The following DMGDH variants were observed in gnomAD, a reference collection of about 807,000 sequenced individuals.
DMGDH encodes dimethylglycine dehydrogenase.
A neutral mutation model predicts 95.2 loss-of-function variants in DMGDH; 76 were observed. The observed-to-expected ratio is 0.80, with a 90% CI of 0.66 to 0.97. The LOEUF (loss-of-function observed/expected upper bound fraction) is 0.97. Ranked by LOEUF, DMGDH falls within the 50% of genes least tolerant of loss-of-function variation. The pLI is 0.00. For synonymous variants in DMGDH, 345 were observed against 377.6 expected, an observed-to-expected ratio of 0.91 and a Z score of 1.00; for missense variants, 987 against 1,055.0, an observed-to-expected ratio of 0.94 and a Z score of 0.89.
chr5:79,033,508 G>A, intron 7 of DMGDH, 100 bp from the exon 8 acceptor site: 8 of 1,383,812 alleles, frequency 5.8e-6, no homozygotes, highest in Non-Finnish European at 7.1e-6. Flanking sequence ...GGACTGTTCT[G>A]TGCTAATCAG....
chr5:79,033,353 G>C lies in DMGDH; in HGVS notation c.1249C>G (p.His417Asp). 11 of 1,614,184 alleles carry C rather than the reference G, an allele frequency of 6.8e-6. No homozygotes were observed. Among genetic ancestry groups the C allele is most frequent in the Non-Finnish European group, 9.3e-6 (11 of 1,180,030 alleles). The change falls in exon 8 of 16, where the codon CAT becomes GAT. Residue 417 changes from histidine (H) to aspartate (D), a missense_variant. Transcript: ENST00000255189. ...VGKYLSDWILHGEPPFDLIEL... is the reference protein window; with the variant it reads ...VGKYLSDWILDGEPPFDLIEL... ...ATCAGATCAAAAGGAGGTTCTCCAT[G>C]CAGGATCCAGTCACTGAGATATTTC...
rs112515671 is a variant in DMGDH, at chr5:79,064,358, GA to G, written c.102-572del. On this transcript the variant is annotated intron_variant, in intron 1 of 15. Coordinates refer to ENST00000255189, the MANE Select transcript of DMGDH (RefSeq NM_013391.3). ...ACAGAGTGAGGCCCTGTCTCAAAAG[GA>G]AAAAAAAAAAAAGATTTAAAATTGT... Among the ~76,000 whole-genome samples the G allele has an allele frequency of 1.7e-3, 235 of 139,600 alleles. 1 individual carries two copies. The highest frequency in any genetic ancestry group is 1.6e-3 in the Non-Finnish European group (104 of 64,036). The allele number at this position is 139,600 out of a possible 152,430, so 91.6% of individuals were successfully genotyped here.
chr5:79,005,926 C>G lies in DMGDH; in HGVS notation c.2251-519G>C, dbSNP rs544744018. On this transcript the variant is annotated intron_variant, in intron 14 of 15. Coordinates refer to ENST00000255189, the MANE Select transcript of DMGDH (RefSeq NM_013391.3). ...ATTGGATTGCATTCATTAGTTCATT[C>G]TGAAACCATTTATTGAGCCCCTACT... Among the ~76,000 whole-genome samples, 6 of 152,178 alleles carry G rather than the reference C, an allele frequency of 3.9e-5. No individual in the cohort carries two copies. The East Asian group carries it at 7.7e-4, about 20-fold the overall frequency.
chr5:79,033,465 C>T (rs982860512), intron 7 of DMGDH, 57 bp from the exon 8 acceptor site: 5 of 1,590,930 alleles, frequency 3.1e-6, no homozygotes, highest in Non-Finnish European at 3.4e-6. Flanking sequence ...TCAAATGAAA[C>T]ATAATCAAAC....
intron 4 of DMGDH, among the ~76,000 whole-genome samples, chr5:79,052,939 G>C (rs1215289323): frequency 6.6e-6 from 1 of 152,146 alleles, no homozygotes; most frequent in Non-Finnish European, 1.5e-5. Context: ...GTGGTCACCA[G>C]CAGGGAAATA....
Position 79,044,383 on chromosome 5 carries a change from A to C in DMGDH, c.915T>G (p.Asp305Glu). The C allele has an allele frequency of 6.2e-7, 1 of 1,614,172 alleles. No homozygotes were observed. The highest frequency in any genetic ancestry group is 1.3e-5 in the African/African-American group (1 of 75,040). Residue 305 changes from aspartate (D) to glutamate (E), a missense_variant, in exon 6 of 16, where the codon GAT becomes GAG. Transcript: ENST00000255189. The part of the protein sequence containing the change: ...EGSYYLRQER[D>E]GLLFGPYESQ... ...TTTCATATGGACCAAACAAAAGCCC[A>C]TCCCTTTCCTGTCGGAGATAATATG... is the stretch of plus-strand genomic sequence containing the variant.
At chr5:79,007,318 A>G (rs575250429) in intron 14 of DMGDH, among the ~76,000 whole-genome samples, 1 of 152,272 alleles carries the variant, frequency 6.6e-6, no homozygotes, top group African/African-American at 2.4e-5. Flanking sequence ...CAAATAGAAA[A>G]TACAGTATTC....
intron 14 of DMGDH, chr5:79,021,302 T>C: frequency 9.2e-7 from 1 of 1,083,578 alleles, no homozygotes; most frequent in African/African-American, 1.6e-5. Flanking sequence ...TGAAATATTA[T>C]TTGTTTCCAG....
At chr5:78,998,425 G>A in intron 15 of DMGDH, 128 bp from the exon 16 acceptor site, 1 of 833,438 alleles carries the variant, frequency 1.2e-6, no homozygotes, top group Non-Finnish European at 2.0e-6. Context: ...GCTGTCTGGG[G>A]GGACAACGCC....
intron 2 of DMGDH, among the ~76,000 whole-genome samples, chr5:79,057,113 T>G (rs1046947347): frequency 2.0e-5 from 3 of 152,226 alleles, no homozygotes; most frequent in Admixed American, 2.0e-4. Context: ...ACCTGTTTGA[T>G]GAGCACATAG....
At chr5:79,047,841 G>A (rs1022821064) in intron 5 of DMGDH, among the ~76,000 whole-genome samples, 13 of 152,184 alleles carry the variant, frequency 8.5e-5, no homozygotes, top group Non-Finnish European at 5.9e-5. Flanking sequence ...ACCTGGAGTA[G>A]TTATTTAAAA....
chr5:79,046,807 A>G (rs182061765), intron 5 of DMGDH, among the ~76,000 whole-genome samples: 1 of 152,338 alleles, frequency 6.6e-6, no homozygotes, highest in East Asian at 1.9e-4. Context: ...ACAAAAATCA[A>G]AATTTTTAGC....
intron 14 of DMGDH, among the ~76,000 whole-genome samples, chr5:79,006,746 C>T (rs1226532045): frequency 3.3e-5 from 5 of 152,062 alleles, no homozygotes; most frequent in Non-Finnish European, 5.9e-5. Context: ...AGGACTTACA[C>T]AGTTCTTTCT....
chr5:79,030,793 G>A, intron 10 of DMGDH, 40 bp downstream of exon 10: 2 of 1,607,798 alleles, frequency 1.2e-6, no homozygotes, highest in Non-Finnish European at 8.5e-7. Flanking sequence ...AATTAAATAG[G>A]TCAGAATCCT....
At chr5:79,027,847 T>TTC (rs1561214306) in intron 12 of DMGDH, among the ~76,000 whole-genome samples, 3 of 151,522 alleles carry the variant, frequency 2.0e-5, no homozygotes, top group Non-Finnish European at 4.4e-5. Flanking sequence ...TTTCTTTTTT[T>TTC]TTTTTTTTTT....
Position 79,051,392 on chromosome 5 carries a change from T to C in DMGDH, c.640A>G (p.Lys214Glu). ...AGAGAAGTTACTGGTGCAGGATATT[T>C]TAAAAGGGCACCACATTTCCTAGCC... ...AGARKCGALL[K>E]YPAPVTSLKA... The change falls in exon 5 of 16, where the codon AAA becomes GAA. Residue 214 changes from lysine to glutamate, a missense_variant. Transcript: ENST00000255189. 6.2e-7 allele frequency: 1 copy of C among 1,614,156 alleles called. No homozygotes were observed. Among genetic ancestry groups the C allele is most frequent in the Non-Finnish European group, 8.5e-7 (1 of 1,180,014 alleles).
In DMGDH at chr5:79,001,224, G is replaced by A. The variant is rs546655937; in HGVS notation, c.2386-2927C>T. 27 of 332,386 alleles carry A rather than the reference G, an allele frequency of 8.1e-5. No individual in the cohort carries two copies. The South Asian group carries it at 1.5e-3, about 19-fold the overall frequency. The allele number at this position is 332,386 out of a possible 1,614,324, so 20.6% of individuals were successfully genotyped here. A position where few individuals can be genotyped will look rare whatever the true frequency, so the allele number is the denominator to read the frequency against. On this transcript the variant is annotated intron_variant, in intron 15 of 15. Transcript: ENST00000255189. ...GTTGCCCCAGCTGGAGTGCAGAGGCGCAATCTTGGCTCTCTGCAACATCTG... is the reference window on the plus strand; with the variant it reads ...GTTGCCCCAGCTGGAGTGCAGAGGCACAATCTTGGCTCTCTGCAACATCTG...
In DMGDH at chr5:79,055,877, A is replaced by T. The variant is rs1385169324; in HGVS notation, c.308T>A (p.Ile103Lys). ...ATCATAATGTATTTTCTTCAAGTTT[A>T]TTCCAGGATGAAAGTAAGTTGTTAA... ...AGLTTYFHPG[I>K]NLKKIHYDSI... The change falls in exon 3 of 16, where the codon ATA (isoleucine) becomes AAA (lysine). Residue 103 changes from isoleucine (I) to lysine (K), a missense_variant. Physicochemically the swap from Ile to Lys is moderately radical, Grantham distance 102. Transcript: ENST00000255189. The T allele has an allele frequency of 3.7e-6, 6 of 1,612,162 alleles. No individual in the cohort carries two copies. The highest frequency in any genetic ancestry group is 5.1e-6 in the Non-Finnish European group (6 of 1,178,376).
chr5:79,013,318 C>A (rs1334654374), intron 14 of DMGDH, among the ~76,000 whole-genome samples: 1 of 152,182 alleles, frequency 6.6e-6, no homozygotes, highest in African/African-American at 2.4e-5. Flanking sequence ...GACCTTTATT[C>A]CCATTCCCAA....
Sources: allele counts gnomAD v4.1 joint callset (sites outside exome capture counted in the v4.1 genomes callset), GRCh38; gene constraint gnomAD v4.1.1; transcripts MANE v1.5; gene names NCBI Gene and HGNC (gene_info 2026-07-23, HGNC 2026-07-21).